Variants in CSMD1 observed in about 807,000 individuals in gnomAD.
CSMD1 encodes the protein CUB and sushi domain-containing protein 1.
A neutral mutation model predicts 417.5 loss-of-function variants in CSMD1; 213 were observed. The observed-to-expected ratio is 0.51, with a 90% confidence interval of 0.46 to 0.57. The LOEUF (loss-of-function observed/expected upper bound fraction) is 0.57. CSMD1 is among the 20% of genes least tolerant of loss of function. The pLI is 0.00. For synonymous variants in CSMD1, 2,862 were observed against 1,736.8 expected (o/e 1.65, Z -16.11); for missense variants, 6,923 against 4,529.7 (o/e 1.53, Z -15.17).
At chr8:3,643,986 G>A (rs184185089) in intron 7 of CSMD1, among the ~76,000 whole-genome samples, 1 of 152,184 alleles carries the variant, frequency 6.6e-6, no homozygotes, top group Non-Finnish European at 1.5e-5. Context: ...AGAGAACACG[G>A]TGAATTCATC....
At chr8:4,082,001 A>T (rs192740789) in intron 3 of CSMD1, among the ~76,000 whole-genome samples, 25 of 152,272 alleles carry the variant, frequency 1.6e-4, no homozygotes, top group Admixed American at 5.2e-4. Flanking sequence ...ATAGGAAAAA[A>T]ATATATAAAA....
At chr8:4,925,538 T>TC (rs941812808) in intron 1 of CSMD1, among the ~76,000 whole-genome samples, 2 of 796 alleles carry the variant, frequency 2.5e-3, no homozygotes, top group Non-Finnish European at 0.04. Flanking sequence ...TGGCATTTTC[T>TC]TTTTTTTTTC....
At chr8:4,178,178 T>G (rs993174661) in intron 3 of CSMD1, among the ~76,000 whole-genome samples, 2 of 152,170 alleles carry the variant, frequency 1.3e-5, no homozygotes, top group African/African-American at 4.8e-5. Context: ...GCAGAAACCC[T>G]CAATACGATA....
At chr8:4,012,509 T>C (rs1816622485) in intron 4 of CSMD1, among the ~76,000 whole-genome samples, 2 of 152,164 alleles carry the variant, frequency 1.3e-5, no homozygotes, top group South Asian at 4.1e-4. Flanking sequence ...GTGTGGTGTA[T>C]GCATGATCCC....
intron 50 of CSMD1, among the ~76,000 whole-genome samples, chr8:3,038,267 T>C (rs1810827519): frequency 6.6e-6 from 1 of 152,210 alleles, no homozygotes; most frequent in South Asian, 2.1e-4. Context: ...TGCAACTTTA[T>C]TACCTGAGTT....
chr8:3,943,325 G>T (rs114622480), intron 5 of CSMD1, among the ~76,000 whole-genome samples: 4 of 149,570 alleles, frequency 2.7e-5, no homozygotes, highest in Admixed American at 2.0e-4. Context: ...CTAGAAGAGT[G>T]AAGTATTCTT....
intron 5 of CSMD1, among the ~76,000 whole-genome samples, chr8:3,985,663 G>A (rs751275965): frequency 6.6e-6 from 1 of 152,050 alleles, no homozygotes; most frequent in Non-Finnish European, 1.5e-5. Flanking sequence ...TTGCTAGGTT[G>A]ATGCTAGAAT....
chr8:3,366,435 C>T (rs1011649482), intron 20 of CSMD1, among the ~76,000 whole-genome samples: 3 of 152,136 alleles, frequency 2.0e-5, no homozygotes, highest in Non-Finnish European at 2.9e-5. Flanking sequence ...AACAATCTAA[C>T]CCATACAAAT....
chr8:3,543,994 T>C (rs1798550604), intron 10 of CSMD1, among the ~76,000 whole-genome samples: 1 of 151,970 alleles, frequency 6.6e-6, no homozygotes, highest in Non-Finnish European at 1.5e-5. Context: ...AGGAAGGGGA[T>C]CAAGAAGCAG....
intron 1 of CSMD1, among the ~76,000 whole-genome samples, chr8:4,643,975 A>G (rs1803362997): frequency 6.6e-6 from 1 of 152,180 alleles, no homozygotes; most frequent in African/African-American, 2.4e-5. Context: ...GCCCTAGGGT[A>G]CTTGGTTGGG....
chr8:3,966,746 C>CAA (rs1812700141), intron 5 of CSMD1, among the ~76,000 whole-genome samples: 2 of 102,328 alleles, frequency 2.0e-5, no homozygotes, highest in African/African-American at 7.6e-5. Context: ...CACACACACA[C>CAA]ACACACACGC....
At chr8:4,047,486 G>C (rs893713367) in intron 3 of CSMD1, among the ~76,000 whole-genome samples, 12 of 152,054 alleles carry the variant, frequency 7.9e-5, no homozygotes, top group Non-Finnish European at 1.6e-4. Flanking sequence ...ATTAGTGGTA[G>C]CGTAAATGCA....
At chr8:4,377,024 G>A (rs1802792880) in intron 3 of CSMD1, among the ~76,000 whole-genome samples, 1 of 152,128 alleles carries the variant, frequency 6.6e-6, no homozygotes, top group Non-Finnish European at 1.5e-5. Context: ...GTGGCAAGTG[G>A]GATGGCCTCG....
At chr8:3,572,969 G>A (rs983243300) in intron 10 of CSMD1, among the ~76,000 whole-genome samples, 1 of 152,036 alleles carries the variant, frequency 6.6e-6, no homozygotes, top group African/African-American at 2.4e-5. Flanking sequence ...GCAGAAATTA[G>A]TAAACATAAT....
intron 8 of CSMD1, among the ~76,000 whole-genome samples, chr8:3,601,990 T>A (rs1186697988): frequency 1.3e-5 from 2 of 151,862 alleles, no homozygotes. Context: ...GAGATGTGGG[T>A]AGGGGAGGAT....
intron 1 of CSMD1, among the ~76,000 whole-genome samples, chr8:4,728,336 C>G (rs1240652943): frequency 1.3e-5 from 2 of 151,352 alleles, no homozygotes; most frequent in African/African-American, 4.9e-5. Flanking sequence ...TTTAAAAATG[C>G]TCATTTGCTT....
chr8:4,590,797 C>T (rs1318750178), intron 2 of CSMD1, among the ~76,000 whole-genome samples: 1 of 151,884 alleles, frequency 6.6e-6, no homozygotes, highest in African/African-American at 2.4e-5. Context: ...AATTTTTTTC[C>T]TAAAATAATT....
intron 21 of CSMD1, among the ~76,000 whole-genome samples, chr8:3,354,547 T>C (rs1382886385): frequency 1.3e-5 from 2 of 152,134 alleles, no homozygotes; most frequent in African/African-American, 2.4e-5. Flanking sequence ...TAGAAGTCTA[T>C]ATTAATCAAA....
chr8:3,192,145 G>A (rs1028755513), intron 33 of CSMD1, among the ~76,000 whole-genome samples: 21 of 152,160 alleles, frequency 1.4e-4, no homozygotes, highest in African/African-American at 5.1e-4. Context: ...TTTTCTATCA[G>A]AAGGCAAAAT....
Sources: allele counts gnomAD v4.1 joint callset (sites outside exome capture counted in the v4.1 genomes callset), GRCh38; gene constraint gnomAD v4.1.1; transcripts MANE v1.5; gene names NCBI Gene and HGNC (gene_info 2026-07-23, HGNC 2026-07-21).